The following ARPC4 variants were observed in gnomAD, a reference collection of about 807,000 sequenced individuals.
ARPC4 encodes the protein actin-related protein 2/3 complex subunit 4.
In ARPC4, 3 loss-of-function variants were observed where a neutral mutation model predicts 22.8. The observed-to-expected ratio is 0.13, with a 90% CI of 0.06 to 0.34. ARPC4 has a LOEUF of 0.34. ARPC4 is among the 10% of genes least tolerant of loss of function. The pLI is 1.00. For missense variants in ARPC4, 98 were observed against 211.0 expected (o/e 0.46, Z 3.32); for synonymous variants, 80 against 72.5 (o/e 1.10, Z -0.52).
intron 1 of ARPC4, 138 bp downstream of exon 1, chr3:9,793,262 A>G: frequency 2.1e-6 from 3 of 1,412,156 alleles, no homozygotes; most frequent in Non-Finnish European, 2.8e-6. Flanking sequence ...TGAGGGTGGG[A>G]AAAAGAGACG....
At chr3:9,802,078 A>C (rs2079020705) in intron 4 of ARPC4, among the ~76,000 whole-genome samples, 1 of 151,590 alleles carries the variant, frequency 6.6e-6, no homozygotes, top group Admixed American at 6.6e-5. Context: ...ATCTCTATTA[A>C]AAATACAAAA....
At chr3:9,793,682 G>C (rs1462120550) in intron 1 of ARPC4, among the ~76,000 whole-genome samples, 2 of 152,182 alleles carry the variant, frequency 1.3e-5, no homozygotes, top group Non-Finnish European at 2.9e-5. Context: ...CAGCCTTAGT[G>C]TATGTTAGCT....
intron 1 of ARPC4, 173 bp downstream of exon 1, chr3:9,793,297 G>A (rs2078795576): frequency 8.1e-7 from 1 of 1,242,220 alleles, no homozygotes; most frequent in Admixed American, 2.9e-5. Flanking sequence ...GGTGAGGAAG[G>A]GGCGAGTGGG....
intron 5 of ARPC4, among the ~76,000 whole-genome samples, chr3:9,804,406 G>A (rs1044545363): frequency 8.5e-5 from 13 of 152,168 alleles, no homozygotes; most frequent in African/African-American, 3.1e-4. Flanking sequence ...TTCTCAAATA[G>A]ACTTCAGTAC....
At chr3:9,803,659 T>A in intron 4 of ARPC4, 184 bp from the exon 5 acceptor site, 1 of 774,110 alleles carries the variant, frequency 1.3e-6, no homozygotes, top group Non-Finnish European at 2.3e-6. Flanking sequence ...GTTGCTTGGA[T>A]CCAACCTAGA....
chr3:9,798,120 C>CTT lies in ARPC4; in HGVS notation c.122+360_122+361dup, dbSNP rs397964258. 252 of 115,704 alleles carry CTT rather than the reference C, an allele frequency of 2.2e-3. 1 individual carries two copies. Among genetic ancestry groups the CTT allele is most frequent in the South Asian group, 0.011 (42 of 3,886 alleles). 7.2% of individuals were successfully genotyped at this position (115,704 alleles called of 1,614,324 possible). A position where few individuals can be genotyped will look rare whatever the true frequency, so the allele number is the denominator to read the frequency against. On this transcript the variant is annotated intron_variant, in intron 2 of 5. Coordinates refer to ENST00000397261, the MANE Select transcript of ARPC4 (RefSeq NM_005718.5). ...TCTGAGATTCCATCTCCATACTTTT[C>CTT]TTTTTTTTTTTTTTTTTTCCCATCT...
At chr3:9,800,057 C>A in intron 2 of ARPC4, 128 bp from the exon 3 acceptor site, 1 of 877,718 alleles carries the variant, frequency 1.1e-6, no homozygotes, top group Non-Finnish European at 1.8e-6. Flanking sequence ...CATCTTGGAG[C>A]ACTCCTGCTT....
rs1171579447 is a variant in ARPC4 at position 9,803,814 on chromosome 3, T to C, written c.331-29T>C. ...TGCTAATTCTCTCCTGTTCCTTCTC[T>C]TCCCCCTCCCTACTGTCTTCTTCCC... On this transcript the variant is annotated intron_variant, in intron 4 of 5. Transcript: ENST00000397261. 9 of 1,606,292 alleles carry C rather than the reference T, an allele frequency of 5.6e-6. No individual in the cohort carries two copies. The East Asian group carries it at 2.0e-4, about 36-fold the overall frequency.
At chr3:9,801,898 A>G in intron 4 of ARPC4, 142 bp downstream of exon 4, 1 of 900,816 alleles carries the variant, frequency 1.1e-6, no homozygotes, top group Non-Finnish European at 1.6e-6. Context: ...GAGTGGGAGC[A>G]AAGAGGATTA....
upstream of ARPC4, chr3:9,792,955 T>C: frequency 7.1e-7 from 1 of 1,411,336 alleles, no homozygotes; most frequent in Non-Finnish European, 9.2e-7. Flanking sequence ...GGTGGAAAAC[T>C]TCCGGAAGGC....
intron 1 of ARPC4, among the ~76,000 whole-genome samples, chr3:9,796,675 C>T (rs956371063): frequency 1.4e-4 from 21 of 152,124 alleles, no homozygotes; most frequent in East Asian, 7.7e-4. Flanking sequence ...GGTGTGGTGG[C>T]TCACGCCTGT....
chr3:9,792,984 T>C, upstream of ARPC4: 1 of 1,446,884 alleles, frequency 6.9e-7, no homozygotes, highest in Non-Finnish European at 9.1e-7. Context: ...TCGTAAGGGC[T>C]CTCTACCCCG....
intron 3 of ARPC4, among the ~76,000 whole-genome samples, chr3:9,800,672 G>A (rs190959345): frequency 6.6e-6 from 1 of 152,038 alleles, no homozygotes; most frequent in Non-Finnish European, 1.5e-5. Context: ...TGATGGGCCC[G>A]CCTCAACCTC....
intron 5 of ARPC4, among the ~76,000 whole-genome samples, chr3:9,805,856 C>T (rs2079096601): frequency 6.6e-6 from 1 of 152,224 alleles, no homozygotes; most frequent in Non-Finnish European, 1.5e-5. Flanking sequence ...TCTGAGTCCC[C>T]AGGCCCCTTG....
Position 9,805,512 on chromosome 3 carries a change from G to A in ARPC4, c.502-698G>A, listed in dbSNP as rs79657698. Among the ~76,000 whole-genome samples, 1,007 of 152,314 alleles carry A rather than the reference G, an allele frequency of 6.6e-3. 80 individuals carry two copies. The East Asian group carries it at 0.16, about 24-fold the overall frequency. Reference sequence around the variant, plus strand: ...TGGGCAGGGTGAGGAGCTGCTGAGCGCATGCCTCATGTGCAGGGGCTGGCT... The same window carrying A: ...TGGGCAGGGTGAGGAGCTGCTGAGCACATGCCTCATGTGCAGGGGCTGGCT... On this transcript the variant is annotated intron_variant, in intron 5 of 5. Transcript: ENST00000397261.
rs550641223 is a variant in ARPC4 at position 9,793,430 on chromosome 3, G to A, written c.3+306G>A. ...TCTCCTAGGCTCTTTGGAGCATTTC[G>A]AGGGTACGTAGTCGGCCTCTTAGCC... On this transcript the variant is annotated intron_variant, in intron 1 of 5. Coordinates refer to ENST00000397261, the MANE Select transcript of ARPC4 (RefSeq NM_005718.5). 1.9e-4 allele frequency among the ~76,000 whole-genome samples: 29 copies of A among 152,292 alleles called. No individual in the cohort carries two copies. In the South Asian group the frequency reaches 3.1e-3, roughly 16 times the overall value.
At chr3:9,794,825 GTTTTGCCT>G (rs2078847385) in intron 1 of ARPC4, among the ~76,000 whole-genome samples, 1 of 152,030 alleles carries the variant, frequency 6.6e-6, no homozygotes, top group South Asian at 2.1e-4. Context: ...CCCCCCTGTA[GTTTTGCCT>G]TTTTCAGATT....
intron 2 of ARPC4, among the ~76,000 whole-genome samples, chr3:9,798,752 T>C (rs1358612347): frequency 6.6e-6 from 1 of 151,654 alleles, no homozygotes; most frequent in African/African-American, 2.4e-5. Context: ...TATGCACCTG[T>C]AGTCCCAGCT....
In ARPC4 at chr3:9,806,490, C is replaced by T; in HGVS notation, c.*275C>T. ...AACGTCTTGAAACTTAAACTCTGTG[C>T]TTGTAGGATACTGTAACCTTTTTGT... On this transcript the variant is annotated 3_prime_UTR_variant, in exon 6 of 6. Coordinates refer to ENST00000397261, the MANE Select transcript of ARPC4 (RefSeq NM_005718.5). The T allele has an allele frequency of 1.9e-6, 1 of 513,336 alleles. No individual in the cohort carries two copies. Among genetic ancestry groups the T allele is most frequent in the Non-Finnish European group, 3.5e-6 (1 of 287,396 alleles). 31.8% of individuals were successfully genotyped at this position (513,336 alleles called of 1,614,324 possible). A position where few individuals can be genotyped will look rare whatever the true frequency, so the allele number is the denominator to read the frequency against.
Sources: allele counts gnomAD v4.1 joint callset (sites outside exome capture counted in the v4.1 genomes callset), GRCh38; gene constraint gnomAD v4.1.1; transcripts MANE v1.5; gene names NCBI Gene and HGNC (gene_info 2026-07-23, HGNC 2026-07-21).